The following MYO10 variants were observed in gnomAD, a reference collection of about 807,000 sequenced individuals.
MYO10 encodes the protein myosin X.
In MYO10, 133 loss-of-function variants were observed where a neutral mutation model predicts 257.3. The ratio of observed to expected loss-of-function variants is 0.52; its 90% CI spans 0.45 to 0.60. The LOEUF is 0.60. Ranked by LOEUF, MYO10 falls within the 20% of genes least tolerant of loss-of-function variation. The pLI, the probability that MYO10 is intolerant of heterozygous loss-of-function variation, is 0.00. For synonymous variants in MYO10, 1,104 were observed against 1,028.6 expected, an observed-to-expected ratio of 1.07 and a Z score of -1.40; for missense variants, 2,399 against 2,635.7, an observed-to-expected ratio of 0.91 and a Z score of 1.97.
At chr5:16,831,764 G>A (rs2126718639) in intron 2 of MYO10, among the ~76,000 whole-genome samples, 1 of 152,090 alleles carries the variant, frequency 6.6e-6, no homozygotes, top group South Asian at 2.1e-4. Flanking sequence ...CTACAAATTG[G>A]GTGCAGTGTA....
At chr5:16,925,453 G>A (rs1297703379) in intron 1 of MYO10, among the ~76,000 whole-genome samples, 1 of 152,050 alleles carries the variant, frequency 6.6e-6, no homozygotes, top group East Asian at 1.9e-4. Context: ...AGGCAACAGA[G>A]TAAGTAAGAG....
intron 9 of MYO10, 117 bp from the exon 10 acceptor site, chr5:16,769,320 A>C: frequency 8.9e-7 from 1 of 1,117,422 alleles, no homozygotes; most frequent in South Asian, 1.8e-5. Flanking sequence ...GAAACAAAAA[A>C]TAGATGCATA....
In MYO10 at chr5:16,668,466, G is replaced by C; in HGVS notation, c.5886C>G (p.Cys1962Trp). ...GYGSTLFDVE[C>W]KEGGFPQELW... ...GTTCCTGAGGGAAGCCACCTTCCTT[G>C]CACTGGTGGGCAAGAGTCAACAGAA... The change falls in exon 40 of 41, where the codon TGC becomes TGG. Residue 1962 changes from cysteine (C) to tryptophan (W), a missense_variant and splice_region_variant. Coordinates refer to ENST00000513610, the MANE Select transcript of MYO10 (RefSeq NM_012334.3). 6.2e-7 allele frequency: 1 copy of C among 1,601,788 alleles called. No individual in the cohort carries two copies.
chr5:16,682,150 T>C (rs1052770070), intron 30 of MYO10, 137 bp from the exon 31 acceptor site: 34 of 1,058,846 alleles, frequency 3.2e-5, no homozygotes, highest in Non-Finnish European at 4.1e-5. Flanking sequence ...TGTGCTTTTA[T>C]TAAGGCAAAC....
At chr5:16,814,617 G>A (rs1742548679) in intron 3 of MYO10, 1 of 152,272 alleles carries the variant, frequency 6.6e-6, no homozygotes, top group African/African-American at 2.4e-5. Context: ...TGGCTGTTCT[G>A]ACAGGTGGCG....
rs1485981482 is a variant in MYO10 at position 16,870,836 on chromosome 5, A to G, written c.120+6773T>C. ...GAACCCAGGAGGCGGAGGCTGCAGT[A>G]AGCCGAGATCGCGCCATTGCACTCC... On this transcript the variant is annotated intron_variant, in intron 2 of 40. Coordinates refer to ENST00000513610, the MANE Select transcript of MYO10 (RefSeq NM_012334.3). Among the ~76,000 whole-genome samples, 16 of 152,216 alleles carry G rather than the reference A, an allele frequency of 1.1e-4. No individual in the cohort carries two copies. In the East Asian group the frequency reaches 1.9e-3, roughly 18 times the overall value.
intron 4 of MYO10, among the ~76,000 whole-genome samples, chr5:16,792,132 C>CACACACAGAGAGAGAG (rs755315207): frequency 4.3e-4 from 32 of 75,286 alleles, no homozygotes; most frequent in African/African-American, 1.1e-3. Context: ...CACACACACA[C>CACACACAGAGAGAGAG]AGAGAGAGAG....
At chr5:16,871,463 C>T (rs1328670285) in intron 2 of MYO10, among the ~76,000 whole-genome samples, 4 of 152,084 alleles carry the variant, frequency 2.6e-5, no homozygotes, top group African/African-American at 4.8e-5. Flanking sequence ...AAAAATGAGT[C>T]AGGAGTGGTG....
chr5:16,902,935 G>A (rs1745423778), intron 1 of MYO10, among the ~76,000 whole-genome samples: 1 of 152,238 alleles, frequency 6.6e-6, no homozygotes, highest in African/African-American at 2.4e-5. Flanking sequence ...GAAGGACATG[G>A]AATTCAATGG....
intron 1 of MYO10, among the ~76,000 whole-genome samples, chr5:16,910,406 A>C (rs1745628173): frequency 6.6e-6 from 1 of 152,156 alleles, no homozygotes; most frequent in Admixed American, 6.5e-5. Flanking sequence ...TGACCAGGTC[A>C]GAGATCCACC....
intron 33 of MYO10, among the ~76,000 whole-genome samples, chr5:16,677,706 C>T (rs1028121565): frequency 1.6e-4 from 24 of 151,628 alleles, no homozygotes; most frequent in Non-Finnish European, 2.8e-4. Flanking sequence ...TGAGCCATCG[C>T]ACCCGGCCAA....
Position 16,666,618 on chromosome 5 carries a change from TG to T in MYO10, c.*73del, listed in dbSNP as rs1736180351. 3.1e-6 allele frequency: 4 copies of T among 1,292,686 alleles called. No individual in the cohort carries two copies. The Admixed American group carries it at 6.3e-5, about 20-fold the overall frequency. The allele number at this position is 1,292,686 out of a possible 1,614,324, so 80.1% of individuals were successfully genotyped here. A position where few individuals can be genotyped will look rare whatever the true frequency, so the allele number is the denominator to read the frequency against. On this transcript the variant is annotated 3_prime_UTR_variant, in exon 41 of 41. Coordinates refer to ENST00000513610, the MANE Select transcript of MYO10 (RefSeq NM_012334.3). ...GCTCTGTGTTTGTTTTGGCTGGGCA[TG>T]GCACACTGGAGCCAGCCTAGGCCAG...
At chr5:16,714,298 A>G (rs1292745158) in intron 19 of MYO10, among the ~76,000 whole-genome samples, 1 of 141,238 alleles carries the variant, frequency 7.1e-6, no homozygotes, top group African/African-American at 2.9e-5. Context: ...TCCCCACAGG[A>G]AAAAAAAAAC....
intron 2 of MYO10, among the ~76,000 whole-genome samples, chr5:16,834,640 A>G (rs1743258636): frequency 6.6e-6 from 1 of 152,210 alleles, no homozygotes; most frequent in Admixed American, 6.5e-5. Flanking sequence ...CCAACTCCAA[A>G]GACTGGGTCA....
intron 1 of MYO10, among the ~76,000 whole-genome samples, chr5:16,894,212 T>A (rs910523029): frequency 3.9e-5 from 6 of 152,196 alleles, no homozygotes; most frequent in Non-Finnish European, 8.8e-5. Flanking sequence ...AATGTCCTTT[T>A]TCCGTCCCAG....
At chr5:16,933,604 T>C (rs1746353052) in intron 1 of MYO10, among the ~76,000 whole-genome samples, 1 of 152,214 alleles carries the variant, frequency 6.6e-6, no homozygotes, top group South Asian at 2.1e-4. Context: ...GGGGAATATA[T>C]CACTTCCACA....
At chr5:16,849,040 C>T (rs1332696823) in intron 2 of MYO10, among the ~76,000 whole-genome samples, 2 of 152,112 alleles carry the variant, frequency 1.3e-5, no homozygotes, top group Non-Finnish European at 1.5e-5. Flanking sequence ...ACTGTAGCCT[C>T]GAATTCCCAG....
chr5:16,922,689 T>A (rs1746022384), intron 1 of MYO10, among the ~76,000 whole-genome samples: 2 of 152,164 alleles, frequency 1.3e-5, no homozygotes, highest in South Asian at 4.1e-4. Context: ...GGTTGTAGTT[T>A]CGTTTCTGAG....
chr5:16,902,464 C>T (rs1433834918), intron 1 of MYO10: 3 of 1,443,182 alleles, frequency 2.1e-6, no homozygotes, highest in South Asian at 1.1e-5. Context: ...ACATAGGCAT[C>T]GAAGACGCTC....
Sources: gnomAD v4.1 joint callset for allele counts (sites outside exome capture counted in the v4.1 genomes callset) on GRCh38, gnomAD v4.1.1 for gene constraint, MANE v1.5 for transcripts, NCBI Gene and HGNC (gene_info 2026-07-23, HGNC 2026-07-21) for gene names.